NEURL1: variants seen among roughly 807,000 people sequenced by gnomAD.
NEURL1 encodes E3 ubiquitin-protein ligase NEURL1.
A neutral mutation model predicts 41.2 loss-of-function variants in NEURL1; 26 were observed. The observed-to-expected ratio is 0.63, with a 90% CI of 0.46 to 0.87. The LOEUF (loss-of-function observed/expected upper bound fraction) is 0.87, where lower values mean the gene tolerates loss of function less well. NEURL1 is among the 40% of genes least tolerant of loss of function. NEURL1 has a pLI of 0.00. For missense variants in NEURL1, 761 were observed against 871.1 expected (o/e 0.87, Z 1.59); for synonymous variants, 400 against 402.3 (o/e 0.99, Z 0.07).
intron 1 of NEURL1, among the ~76,000 whole-genome samples, chr10:103,517,745 T>C (rs2034249947): frequency 6.6e-6 from 1 of 152,244 alleles, no homozygotes; most frequent in South Asian, 2.1e-4. Flanking sequence ...GAGTGCTGGG[T>C]GAACTTGCTC....
At chr10:103,582,957 CG>C (rs1220667118) in intron 3 of NEURL1, among the ~76,000 whole-genome samples, 2 of 152,144 alleles carry the variant, frequency 1.3e-5, no homozygotes, top group Non-Finnish European at 2.9e-5. Context: ...TGCCACATGG[CG>C]GCTGTCATAA....
intron 1 of NEURL1, among the ~76,000 whole-genome samples, chr10:103,537,450 A>T (rs1216599296): frequency 6.6e-6 from 1 of 152,096 alleles, no homozygotes; most frequent in Admixed American, 6.6e-5. Context: ...CCCAGGCTGG[A>T]GTGCAGTGGT....
intron 1 of NEURL1, among the ~76,000 whole-genome samples, chr10:103,554,661 A>G (rs1172680880): frequency 6.6e-6 from 1 of 152,188 alleles, no homozygotes; most frequent in Non-Finnish European, 1.5e-5. Context: ...TCTGTTGATA[A>G]TGACTGTAAT....
intron 1 of NEURL1, among the ~76,000 whole-genome samples, chr10:103,519,255 G>GAAAA (rs746754054): frequency 1.3e-5 from 2 of 151,674 alleles, no homozygotes; most frequent in African/African-American, 4.9e-5. Flanking sequence ...TCAAAAAAAA[G>GAAAA]AAAGAAAGAA....
chr10:103,557,802 C>A (rs972928459), intron 1 of NEURL1, among the ~76,000 whole-genome samples: 48 of 152,322 alleles, frequency 3.2e-4, no homozygotes, highest in South Asian at 1.2e-3. Context: ...GGGGTTTGCT[C>A]CTTCCTAGGG....
In NEURL1 at chr10:103,590,677, A is replaced by C. The variant is rs765710376; in HGVS notation, c.*305A>C. 28 of 428,066 alleles carry C rather than the reference A, an allele frequency of 6.5e-5. No homozygotes were observed. Among genetic ancestry groups the C allele is most frequent in the Non-Finnish European group, 1.1e-4 (25 of 234,290 alleles). The allele number at this position is 428,066 out of a possible 1,614,324, so 26.5% of individuals were successfully genotyped here. On this transcript the variant is annotated 3_prime_UTR_variant, in exon 6 of 6. Coordinates refer to ENST00000369780, the MANE Select transcript of NEURL1 (RefSeq NM_004210.5). ...CTAAATTGGGATCTCAGCCTGCCCT[A>C]ATCTTTCCCCATCTGAGGCAGGTTT...
intron 1 of NEURL1, among the ~76,000 whole-genome samples, chr10:103,561,619 G>A (rs1018290908): frequency 6.6e-6 from 1 of 152,194 alleles, no homozygotes; most frequent in Non-Finnish European, 1.5e-5. Flanking sequence ...CCACGCTTAA[G>A]GGGAAGGGGT....
chr10:103,536,054 G>A (rs561760685), intron 1 of NEURL1, among the ~76,000 whole-genome samples: 14 of 152,262 alleles, frequency 9.2e-5, no homozygotes, highest in African/African-American at 3.4e-4. Flanking sequence ...GACTCCAGTG[G>A]TGAGGTCTGT....
intron 1 of NEURL1, among the ~76,000 whole-genome samples, chr10:103,512,353 G>C (rs1174213287): frequency 3.3e-5 from 5 of 152,240 alleles, no homozygotes; most frequent in Non-Finnish European, 5.9e-5. Context: ...CATGAGGCAA[G>C]GCTGACCAGT....
intron 1 of NEURL1, among the ~76,000 whole-genome samples, chr10:103,505,150 C>T (rs960125411): frequency 2.7e-5 from 4 of 150,760 alleles, no homozygotes; most frequent in Non-Finnish European, 4.4e-5. Flanking sequence ...ACCTTCTGGG[C>T]TCAAGCAATC....
chr10:103,498,736 T>G (rs1361156170), intron 1 of NEURL1, among the ~76,000 whole-genome samples: 1 of 152,206 alleles, frequency 6.6e-6, no homozygotes, highest in African/African-American at 2.4e-5. Context: ...ACGAATCTAC[T>G]CTTTGTCTGT....
Position 103,584,704 on chromosome 10 carries a change from TC to T in NEURL1, c.821del (p.Pro274ArgfsTer230). On this transcript the variant is annotated frameshift_variant, in exon 4 of 6. Coordinates refer to ENST00000369780, the MANE Select transcript of NEURL1 (RefSeq NM_004210.5). LOFTEE classifies it high-confidence loss of function. ...GCCGCGCCGGCCGCCGGCTGCCCCA[TC>T]CCGCAGAACTCACTCAACTCGCAGC... Reference protein sequence around the residue: ...DEAAPAAGCPIPQNSLNSQHS... With the variant: ...DEAAPAAGCPXPQNSLNSQHS... 6.9e-7 allele frequency: 1 copy of T among 1,444,748 alleles called. No individual in the cohort carries two copies. The highest frequency in any genetic ancestry group is 1.4e-5 in the South Asian group (1 of 73,508). The allele number at this position is 1,444,748 out of a possible 1,614,324, so 89.5% of individuals were successfully genotyped here. A position where few individuals can be genotyped will look rare whatever the true frequency, so the allele number is the denominator to read the frequency against.
chr10:103,571,391 G>C, intron 2 of NEURL1, 110 bp from the exon 3 acceptor site: 3 of 1,205,780 alleles, frequency 2.5e-6, no homozygotes, highest in South Asian at 1.6e-5. Flanking sequence ...GTGCTGGAAT[G>C]GTGGGCAGGC....
intron 3 of NEURL1, among the ~76,000 whole-genome samples, chr10:103,578,311 C>T (rs1004425045): frequency 1.3e-5 from 2 of 152,192 alleles, no homozygotes; most frequent in African/African-American, 4.8e-5. Flanking sequence ...CCAAAAAAGC[C>T]AACCCCTCAA....
At chr10:103,529,017 G>A (rs562755973) in intron 1 of NEURL1, among the ~76,000 whole-genome samples, 1 of 152,266 alleles carries the variant, frequency 6.6e-6, no homozygotes, top group African/African-American at 2.4e-5. Context: ...ACAGAAATAA[G>A]CAGGGTCAAT....
At chr10:103,560,937 A>G (rs995868131) in intron 1 of NEURL1, among the ~76,000 whole-genome samples, 23 of 152,260 alleles carry the variant, frequency 1.5e-4, no homozygotes, top group Non-Finnish European at 2.9e-4. Flanking sequence ...TAAAACAACA[A>G]ACATTTAATG....
At chr10:103,504,655 G>A (rs1458393893) in intron 1 of NEURL1, among the ~76,000 whole-genome samples, 2 of 152,186 alleles carry the variant, frequency 1.3e-5, no homozygotes, top group East Asian at 3.8e-4. Flanking sequence ...AAGTCACTGT[G>A]TGCAGCCCAC....
At chr10:103,533,606 G>T (rs1312405870) in intron 1 of NEURL1, among the ~76,000 whole-genome samples, 2 of 150,740 alleles carry the variant, frequency 1.3e-5, no homozygotes, top group African/African-American at 4.9e-5. Flanking sequence ...GCGCGATCTT[G>T]GCTCACTGCA....
chr10:103,512,688 C>G (rs147165775), intron 1 of NEURL1, among the ~76,000 whole-genome samples: 1 of 152,072 alleles, frequency 6.6e-6, no homozygotes, highest in Non-Finnish European at 1.5e-5. Context: ...CCCCAGCGCC[C>G]GCAGGGTTGG....
Sources: gnomAD v4.1 joint callset for allele counts (sites outside exome capture counted in the v4.1 genomes callset) on GRCh38, gnomAD v4.1.1 for gene constraint, MANE v1.5 for transcripts, NCBI Gene and HGNC (gene_info 2026-07-23, HGNC 2026-07-21) for gene names.